GPR137: variants seen among roughly 807,000 people sequenced by gnomAD.
GPR137 encodes the protein integral membrane protein GPR137.
A neutral mutation model predicts 38.9 loss-of-function variants in GPR137; 20 were observed. The ratio of observed to expected loss-of-function variants is 0.51; its 90% CI spans 0.36 to 0.75. The LOEUF is 0.75. Ranked by LOEUF, GPR137 falls within the 30% of genes least tolerant of loss-of-function variation. The probability of loss-of-function intolerance (pLI) is 0.00; values close to 1 mark genes in which losing one functional copy is unlikely to be tolerated. For synonymous variants in GPR137, 226 were observed against 235.8 expected, an observed-to-expected ratio of 0.96 and a Z score of 0.38; for missense variants, 456 against 526.4, an observed-to-expected ratio of 0.87 and a Z score of 1.31.
At position 64,286,590 on chromosome 11, in the gene GPR137, G is replaced by A. The variant is rs2135181768; in HGVS notation, c.66G>A (p.Val22=). The A allele has an allele frequency of 6.2e-7, 1 of 1,613,842 alleles. No individual in the cohort carries two copies. Among genetic ancestry groups the A allele is most frequent in the East Asian group, 2.2e-5 (1 of 44,884 alleles). ...AGLVPALPPA[V]TLGLTAAYTT... ...TGGTGCCTGCGCTGCCACCTGCTGTGACCCTGGGGCTGACAGCTGCCTACA... is the reference window on the plus strand; with the variant it reads ...TGGTGCCTGCGCTGCCACCTGCTGTAACCCTGGGGCTGACAGCTGCCTACA... The change falls in exon 1 of 7, where the codon GTG becomes GTA. Residue 22 remains valine (V), a synonymous_variant. Coordinates refer to ENST00000438980, the MANE Select transcript of GPR137 (RefSeq NM_001170880.2).
upstream of GPR137, chr11:64,271,748 CTCCGT>C: frequency 6.9e-7 from 1 of 1,451,612 alleles, no homozygotes; most frequent in South Asian, 1.5e-5. Flanking sequence ...CTTCGTCGTC[CTCCGT>C]CCCCGCGGGG....
At position 64,289,354 on chromosome 11, in the gene GPR137, C is replaced by T; in HGVS notation, c.*158C>T. On this transcript the variant is annotated 3_prime_UTR_variant, in exon 7 of 7. Coordinates refer to ENST00000438980, the MANE Select transcript of GPR137 (RefSeq NM_001170880.2). ...CTGCTCCTGTCATAGTGAGCTTGTG[C>T]CGTCCCCCTAGGATGGGGGGCATGG... The T allele has an allele frequency of 6.3e-7, 1 of 1,590,506 alleles. No individual in the cohort carries two copies. Among genetic ancestry groups the T allele is most frequent in the Admixed American group, 1.7e-5 (1 of 58,642 alleles).
upstream of GPR137, among the ~76,000 whole-genome samples, chr11:64,283,567 C>T (rs1262187404): frequency 6.6e-6 from 1 of 152,224 alleles, no homozygotes; most frequent in African/African-American, 2.4e-5. Context: ...CCAGGACAGT[C>T]CTGCTGTGGG....
Position 64,286,618 on chromosome 11 carries a change from A to G in GPR137, c.94A>G (p.Thr32Ala), listed in dbSNP as rs2032050371. 1 of 1,613,206 alleles carries G rather than the reference A, an allele frequency of 6.2e-7. No individual in the cohort carries two copies. The highest frequency in any genetic ancestry group is 1.3e-5 in the African/African-American group (1 of 74,642). Residue 32 changes from threonine (T) to alanine (A), a missense_variant, in exon 1 of 7, where the codon ACC becomes GCC. Physicochemically the swap from Thr to Ala is moderately conservative, Grantham distance 58 (BLOSUM62 0). Coordinates refer to ENST00000438980, the MANE Select transcript of GPR137 (RefSeq NM_001170880.2). ...CCTGGGGCTGACAGCTGCCTACACCACCCTGTATGCCCTGCTCTTCTTCTC... is the reference window on the plus strand; with the variant it reads ...CCTGGGGCTGACAGCTGCCTACACCGCCCTGTATGCCCTGCTCTTCTTCTC... Reference protein sequence around the residue: ...VTLGLTAAYTTLYALLFFSVY... With the variant: ...VTLGLTAAYTALYALLFFSVY...
upstream of GPR137, among the ~76,000 whole-genome samples, chr11:64,279,601 A>G (rs1026768738): frequency 6.6e-6 from 1 of 151,652 alleles, no homozygotes; most frequent in African/African-American, 2.4e-5. Flanking sequence ...CCCCGTCTCC[A>G]CTAAAAACAC....
chr11:64,280,320 AAAAAT>A (rs1226726322), upstream of GPR137, among the ~76,000 whole-genome samples: 2 of 114,722 alleles, frequency 1.7e-5, no homozygotes, highest in African/African-American at 5.9e-5. Context: ...ACTCCATGTC[AAAAAT>A]AAAATAAAAT....
At position 64,287,809 on chromosome 11, in the gene GPR137, G is replaced by A; in HGVS notation, c.496G>A (p.Ala166Thr). The A allele has an allele frequency of 3.7e-6, 6 of 1,607,060 alleles. No individual in the cohort carries two copies. Among genetic ancestry groups the A allele is most frequent in the Non-Finnish European group, 3.4e-6 (4 of 1,179,912 alleles). ...LCAVLSHRRRAQPWALLLVRV... is the reference protein window; with the variant it reads ...LCAVLSHRRRTQPWALLLVRV... Reference sequence around the variant, plus strand: ...TGCTGTGCTCTCCCATCGGCGCCGGGCACAGCCCTGGGCCCTGCTGCTTGT... The same window carrying A: ...TGCTGTGCTCTCCCATCGGCGCCGGACACAGCCCTGGGCCCTGCTGCTTGT... Residue 166 changes from alanine to threonine, a missense_variant, in exon 3 of 7, where the codon GCA (alanine) becomes ACA (threonine). Ala to Thr is a moderately conservative substitution (Grantham distance 58). Transcript: ENST00000438980.
intron 2 of GPR137, chr11:64,287,492 C>T (rs1431335912): frequency 1.7e-6 from 1 of 600,356 alleles, no homozygotes; most frequent in South Asian, 7.3e-5. Context: ...AGAGCTGGGG[C>T]TCAGACAGAG....
At chr11:64,271,914 G>A, upstream of GPR137, 1 of 899,054 alleles carries the variant, frequency 1.1e-6, no homozygotes, top group Non-Finnish European at 1.5e-6. Context: ...GGGTCTTCCA[G>A]GGGCGCATCA....
chr11:64,273,030 AGCCTAG>A (rs2032755574), upstream of GPR137, among the ~76,000 whole-genome samples: 1 of 152,132 alleles, frequency 6.6e-6, no homozygotes, highest in African/African-American at 2.4e-5. Context: ...GTTCGAGACC[AGCCTAG>A]GCAACATTGC....
chr11:64,286,641 C>G lies in GPR137; in HGVS notation c.117C>G (p.Phe39Leu), dbSNP rs2034100606. The G allele has an allele frequency of 6.2e-7, 1 of 1,614,006 alleles. No homozygotes were observed. Among genetic ancestry groups the G allele is most frequent in the South Asian group, 1.1e-5 (1 of 91,094 alleles). The change falls in exon 1 of 7, where the codon TTC becomes TTG. Residue 39 changes from phenylalanine (F) to leucine (L), a missense_variant. Physicochemically the swap from Phe to Leu is conservative, Grantham distance 22. Coordinates refer to ENST00000438980, the MANE Select transcript of GPR137 (RefSeq NM_001170880.2). ...AYTTLYALLFFSVYAQLWLVL... is the reference protein window; with the variant it reads ...AYTTLYALLFLSVYAQLWLVL... Reference sequence around the variant, plus strand: ...CCACCCTGTATGCCCTGCTCTTCTTCTCCGTCTATGCCCAGCTCTGGCTGG... The same window carrying G: ...CCACCCTGTATGCCCTGCTCTTCTTGTCCGTCTATGCCCAGCTCTGGCTGG...
chr11:64,281,358 GC>G (rs2033459280), upstream of GPR137, among the ~76,000 whole-genome samples: 1 of 152,144 alleles, frequency 6.6e-6, no homozygotes, highest in Non-Finnish European at 1.5e-5. Flanking sequence ...TGCCAGTTCT[GC>G]TTTAAAAATA....
chr11:64,287,172 C>T (rs2034188065), intron 2 of GPR137, 158 bp downstream of exon 2: 1 of 985,210 alleles, frequency 1.0e-6, no homozygotes, highest in African/African-American at 1.7e-5. Flanking sequence ...GCAGATGGCT[C>T]AGCAGAGGCC....
upstream of GPR137, chr11:64,285,007 G>A (rs868108372): frequency 5.5e-6 from 7 of 1,269,378 alleles, no homozygotes; most frequent in Non-Finnish European, 7.1e-6. Flanking sequence ...CAGTGAAGTG[G>A]GGATAGTGAC....
chr11:64,285,177 C>T, upstream of GPR137: 1 of 989,500 alleles, frequency 1.0e-6, no homozygotes, highest in Non-Finnish European at 1.2e-6. Flanking sequence ...AGTCCCGCTC[C>T]CCGCTCCTCC....
upstream of GPR137, chr11:64,284,449 A>ACC: frequency 1.9e-6 from 3 of 1,600,756 alleles, no homozygotes; most frequent in Non-Finnish European, 2.5e-6. Flanking sequence ...AGAGGCAGGT[A>ACC]CCCCTGGCTT....
rs1460171555 is a variant in GPR137 at position 64,289,276 on chromosome 11, C to T, written c.*80C>T. Reference sequence around the variant, plus strand: ...CCTGTGCCAAGTTTGTCTGCCGCTTCTTGCCCAGGATCCTGGGGGTCGTGG... The same window carrying T: ...CCTGTGCCAAGTTTGTCTGCCGCTTTTTGCCCAGGATCCTGGGGGTCGTGG... On this transcript the variant is annotated 3_prime_UTR_variant, in exon 7 of 7. Transcript: ENST00000438980. 24 of 1,613,388 alleles carry T rather than the reference C, an allele frequency of 1.5e-5. No individual in the cohort carries two copies. Among genetic ancestry groups the T allele is most frequent in the Non-Finnish European group, 2.0e-5 (24 of 1,179,906 alleles).
upstream of GPR137, chr11:64,284,648 G>A: frequency 6.5e-7 from 1 of 1,531,792 alleles, no homozygotes; most frequent in African/African-American, 1.4e-5. Context: ...CCGATCTCGA[G>A]GCCCCTGACC....
rs1192025244 is a variant in GPR137 at position 64,289,017 on chromosome 11, A to C, written c.1032-20A>C. 1.1e-5 allele frequency: 17 copies of C among 1,517,590 alleles called. No homozygotes were observed. The highest frequency in any genetic ancestry group is 1.3e-5 in the Non-Finnish European group (15 of 1,135,140). 94.0% of individuals were successfully genotyped at this position (1,517,590 alleles called of 1,614,324 possible). ...GGCCCTGGTCACTGTCCTGAGACTG[A>C]CCCTGTTTCTCTGCTGCAGTATGTC... is the stretch of plus-strand genomic sequence containing the variant. On this transcript the variant is annotated intron_variant, in intron 6 of 6. Coordinates refer to ENST00000438980, the MANE Select transcript of GPR137 (RefSeq NM_001170880.2).
Sources: gnomAD v4.1 joint callset for allele counts (sites outside exome capture counted in the v4.1 genomes callset) on GRCh38, gnomAD v4.1.1 for gene constraint, MANE v1.5 for transcripts, NCBI Gene and HGNC (gene_info 2026-07-23, HGNC 2026-07-21) for gene names.